The following EEFSEC variants were observed in gnomAD, a reference collection of about 807,000 sequenced individuals.
The protein encoded by EEFSEC is selenocysteine-specific elongation factor.
A neutral mutation model predicts 42.1 loss-of-function variants in EEFSEC; 43 were observed. That is an observed-to-expected ratio of 1.02 (90% CI 0.80 to 1.32). The LOEUF (loss-of-function observed/expected upper bound fraction) is 1.32. Ranked by LOEUF, EEFSEC falls within the 40% of genes most tolerant of loss-of-function variation. The pLI, the probability that EEFSEC is intolerant of heterozygous loss-of-function variation, is 0.00. For missense variants in EEFSEC, 745 were observed against 803.6 expected, an observed-to-expected ratio of 0.93 and a Z score of 0.88; for synonymous variants, 354 against 339.1, an observed-to-expected ratio of 1.04 and a Z score of -0.48.
intron 1 of EEFSEC, among the ~76,000 whole-genome samples, chr3:128,169,358 A>G (rs1017715247): frequency 6.6e-6 from 1 of 152,210 alleles, no homozygotes; most frequent in East Asian, 1.9e-4. Flanking sequence ...TTCACACAGC[A>G]GACCTGGTGT....
chr3:128,180,303 G>A (rs2065392511), intron 1 of EEFSEC, among the ~76,000 whole-genome samples: 1 of 152,204 alleles, frequency 6.6e-6, no homozygotes, highest in African/African-American at 2.4e-5. Flanking sequence ...CATCCGAGTT[G>A]CTGTATGATT....
At chr3:128,252,332 T>A (rs577449956) in intron 2 of EEFSEC, among the ~76,000 whole-genome samples, 1 of 152,318 alleles carries the variant, frequency 6.6e-6, no homozygotes, top group Non-Finnish European at 1.5e-5. Context: ...CTTGGGCGAC[T>A]CACTCCATCT....
At chr3:128,272,091 G>T (rs1331514731) in intron 4 of EEFSEC, among the ~76,000 whole-genome samples, 1 of 152,222 alleles carries the variant, frequency 6.6e-6, no homozygotes, top group African/African-American at 2.4e-5. Flanking sequence ...CATCAGGAGT[G>T]CTGGCTGGCT....
chr3:128,236,900 C>A (rs529113639), intron 1 of EEFSEC, among the ~76,000 whole-genome samples: 1 of 152,214 alleles, frequency 6.6e-6, no homozygotes, highest in Admixed American at 6.5e-5. Flanking sequence ...CTGTGAAATT[C>A]ACTTACTGTG....
intron 1 of EEFSEC, among the ~76,000 whole-genome samples, chr3:128,172,853 G>A (rs961925549): frequency 2.0e-5 from 3 of 152,200 alleles, no homozygotes; most frequent in Non-Finnish European, 2.9e-5. Context: ...TCCTCTGATA[G>A]CAATCGAGGA....
chr3:128,348,119 T>C (rs1278880610), intron 5 of EEFSEC, among the ~76,000 whole-genome samples: 1 of 152,024 alleles, frequency 6.6e-6, no homozygotes, highest in East Asian at 1.9e-4. Context: ...GGAACTTAGA[T>C]TGTAGTTGTA....
At chr3:128,300,396 G>A (rs1000072435) in intron 4 of EEFSEC, among the ~76,000 whole-genome samples, 2 of 152,120 alleles carry the variant, frequency 1.3e-5, no homozygotes, top group Non-Finnish European at 2.9e-5. Flanking sequence ...GAGGTCAAGA[G>A]ATCGAGGCCA....
chr3:128,225,735 T>C (rs2065901399), intron 1 of EEFSEC, among the ~76,000 whole-genome samples: 1 of 152,188 alleles, frequency 6.6e-6, no homozygotes, highest in South Asian at 2.1e-4. Flanking sequence ...TCCTCTCTCC[T>C]CTGGTCTGGA....
chr3:128,169,954 C>T (rs1471413028), intron 1 of EEFSEC, among the ~76,000 whole-genome samples: 1 of 152,164 alleles, frequency 6.6e-6, no homozygotes, highest in African/African-American at 2.4e-5. Flanking sequence ...CAATGCATGG[C>T]GGTGGGGCAG....
intron 4 of EEFSEC, among the ~76,000 whole-genome samples, chr3:128,301,616 C>G (rs1038040831): frequency 6.6e-6 from 1 of 152,160 alleles, no homozygotes; most frequent in Non-Finnish European, 1.5e-5. Context: ...CTGTTCACCC[C>G]CTACCTGTCC....
At chr3:128,260,966 CAA>C (rs63448265) in intron 2 of EEFSEC, among the ~76,000 whole-genome samples, 2 of 34,768 alleles carry the variant, frequency 5.8e-5, no homozygotes, top group African/African-American at 7.1e-5. Flanking sequence ...ACAGCCAAGG[CAA>C]AAAAAAAAAA....
At chr3:128,346,469 T>A (rs2067313259) in intron 5 of EEFSEC, among the ~76,000 whole-genome samples, 1 of 152,220 alleles carries the variant, frequency 6.6e-6, no homozygotes, top group Non-Finnish European at 1.5e-5. Flanking sequence ...GATGGGAATA[T>A]CGTGATGTCA....
chr3:128,169,373 G>A (rs1559852149), intron 1 of EEFSEC, among the ~76,000 whole-genome samples: 1 of 152,140 alleles, frequency 6.6e-6, no homozygotes, highest in South Asian at 2.1e-4. Flanking sequence ...TGGTGTTGCA[G>A]GTATATTTGG....
At chr3:128,219,018 C>T (rs942828023) in intron 1 of EEFSEC, among the ~76,000 whole-genome samples, 3 of 152,162 alleles carry the variant, frequency 2.0e-5, no homozygotes, top group South Asian at 2.1e-4. Flanking sequence ...GGGAGATGGA[C>T]CTTGGAAGAG....
intron 6 of EEFSEC, among the ~76,000 whole-genome samples, chr3:128,405,954 T>A (rs1236670409): frequency 1.3e-5 from 2 of 152,232 alleles, no homozygotes; most frequent in Non-Finnish European, 2.9e-5. Flanking sequence ...AGTGCCTTCA[T>A]ACCCAGCTGC....
At chr3:128,343,419 C>T (rs1376984855) in intron 5 of EEFSEC, among the ~76,000 whole-genome samples, 2 of 152,176 alleles carry the variant, frequency 1.3e-5, no homozygotes, top group Admixed American at 1.3e-4. Flanking sequence ...ACCCCTTCCT[C>T]TCCCTTCCTC....
At chr3:128,368,521 G>A (rs1184685693) in intron 6 of EEFSEC, among the ~76,000 whole-genome samples, 1 of 151,800 alleles carries the variant, frequency 6.6e-6, no homozygotes, top group Non-Finnish European at 1.5e-5. Flanking sequence ...TTAAGAAAGA[G>A]GAGTTTTAAA....
intron 1 of EEFSEC, among the ~76,000 whole-genome samples, chr3:128,208,688 G>A (rs576639552): frequency 9.9e-5 from 15 of 152,156 alleles, no homozygotes; most frequent in Admixed American, 2.0e-4. Flanking sequence ...GAAGCAGTTG[G>A]TTGATGTTTA....
chr3:128,363,104 T>G (rs1261220566), intron 6 of EEFSEC, among the ~76,000 whole-genome samples: 1 of 152,154 alleles, frequency 6.6e-6, no homozygotes, highest in Non-Finnish European at 1.5e-5. Flanking sequence ...TGAGCTATGA[T>G]GTATAGCAGT....
Sources: gnomAD v4.1 joint callset for allele counts (sites outside exome capture counted in the v4.1 genomes callset) on GRCh38, gnomAD v4.1.1 for gene constraint, MANE v1.5 for transcripts, NCBI Gene and HGNC (gene_info 2026-07-23, HGNC 2026-07-21) for gene names.